The following LRP12 variants were observed in gnomAD, a reference collection of about 807,000 sequenced individuals.
LRP12 encodes low-density lipoprotein receptor-related protein 12.
In LRP12, 14 loss-of-function variants were observed where a neutral mutation model predicts 66.0. The observed-to-expected ratio is 0.21, with a 90% confidence interval of 0.14 to 0.33. The LOEUF (loss-of-function observed/expected upper bound fraction) is 0.33. LRP12 is among the 10% of genes least tolerant of loss of function. The probability of loss-of-function intolerance (pLI) is 1.00; values close to 1 mark genes in which losing one functional copy is unlikely to be tolerated. For synonymous variants in LRP12, 357 were observed against 359.1 expected, an observed-to-expected ratio of 0.99 and a Z score of 0.07; for missense variants, 889 against 1,053.4, an observed-to-expected ratio of 0.84 and a Z score of 2.16.
rs543480101 is a variant in LRP12, at chr8:104,543,391, G to A, written c.80-11428C>T. Reference sequence around the variant, plus strand: ...TGTGATCTGAGATCTTTGATGTTACGACTGTAATTGCTTTGAGGTGCCATA... The same window carrying A: ...TGTGATCTGAGATCTTTGATGTTACAACTGTAATTGCTTTGAGGTGCCATA... On this transcript the variant is annotated intron_variant, in intron 1 of 6. Coordinates refer to ENST00000276654, the MANE Select transcript of LRP12 (RefSeq NM_013437.5). 3.3e-5 allele frequency among the ~76,000 whole-genome samples: 5 copies of A among 152,036 alleles called. No individual in the cohort carries two copies. In the South Asian group the frequency reaches 6.2e-4, roughly 19 times the overall value.
At chr8:104,563,420 G>A (rs1182829319) in intron 1 of LRP12, among the ~76,000 whole-genome samples, 1 of 151,598 alleles carries the variant, frequency 6.6e-6, no homozygotes, top group Non-Finnish European at 1.5e-5. Context: ...TCCAAACTTA[G>A]GTCTGTCTTA....
At chr8:104,511,771 C>CATTTTTGGCAG (rs1811001237) in intron 2 of LRP12, among the ~76,000 whole-genome samples, 1 of 152,136 alleles carries the variant, frequency 6.6e-6, no homozygotes, top group African/African-American at 2.4e-5. Context: ...TGGGTCTGCC[C>CATTTTTGGCAG]TGGAATTAGG....
At chr8:104,565,264 C>T (rs542123207) in intron 1 of LRP12, among the ~76,000 whole-genome samples, 1 of 152,214 alleles carries the variant, frequency 6.6e-6, no homozygotes, top group Admixed American at 6.5e-5. Context: ...TCGATATGCT[C>T]AGATAAAATG....
intron 1 of LRP12, among the ~76,000 whole-genome samples, chr8:104,586,807 T>G (rs1812340144): frequency 6.6e-6 from 1 of 152,148 alleles, no homozygotes; most frequent in South Asian, 2.1e-4. Flanking sequence ...GCTGATATAG[T>G]TTAATGTTCT....
intron 2 of LRP12, among the ~76,000 whole-genome samples, chr8:104,513,605 G>T (rs1394738715): frequency 2.0e-5 from 3 of 152,102 alleles, no homozygotes; most frequent in Non-Finnish European, 4.4e-5. Context: ...CAAGGTACTT[G>T]ATCTTTCTGG....
At chr8:104,546,473 A>G (rs566958680) in intron 1 of LRP12, among the ~76,000 whole-genome samples, 58 of 152,270 alleles carry the variant, frequency 3.8e-4, no homozygotes, top group African/African-American at 1.3e-3. Flanking sequence ...TACACATTGT[A>G]CGAATTCATG....
At chr8:104,588,714 G>C in intron 1 of LRP12, 105 bp downstream of exon 1, 1 of 882,742 alleles carries the variant, frequency 1.1e-6, no homozygotes, top group Non-Finnish European at 1.7e-6. Context: ...CCGGTAGCCA[G>C]GGTCTCCGCG....
chr8:104,494,789 C>T (rs779011035), intron 6 of LRP12, among the ~76,000 whole-genome samples: 1 of 151,938 alleles, frequency 6.6e-6, no homozygotes, highest in African/African-American at 2.4e-5. Context: ...ATGTTCAGGT[C>T]AAGTAAAAAA....
chr8:104,583,256 A>G (rs889382010), intron 1 of LRP12, among the ~76,000 whole-genome samples: 23 of 152,110 alleles, frequency 1.5e-4, no homozygotes, highest in Non-Finnish European at 2.9e-4. Context: ...TGGATTCTAA[A>G]TCCTAGAGTT....
intron 1 of LRP12, among the ~76,000 whole-genome samples, chr8:104,576,648 C>T (rs1812170167): frequency 6.6e-6 from 1 of 152,156 alleles, no homozygotes. Flanking sequence ...CCAGCCACTA[C>T]AAAAGCACAC....
At chr8:104,514,579 G>T (rs570098118) in intron 2 of LRP12, among the ~76,000 whole-genome samples, 1 of 150,970 alleles carries the variant, frequency 6.6e-6, no homozygotes, top group Admixed American at 6.6e-5. Context: ...GCCAGGCGTG[G>T]TGGTGCGCAC....
At chr8:104,578,185 G>A (rs961956988) in intron 1 of LRP12, among the ~76,000 whole-genome samples, 1 of 151,300 alleles carries the variant, frequency 6.6e-6, no homozygotes, top group Non-Finnish European at 1.5e-5. Flanking sequence ...AAATTCAAAT[G>A]AGCACAATCA....
chr8:104,533,755 ATCC>A (rs1811359187), intron 1 of LRP12, among the ~76,000 whole-genome samples: 1 of 152,030 alleles, frequency 6.6e-6, no homozygotes, highest in African/African-American at 2.4e-5. Flanking sequence ...GGCTCAAGCA[ATCC>A]TCCTACCTTA....
intron 2 of LRP12, among the ~76,000 whole-genome samples, chr8:104,526,500 C>T (rs1277566207): frequency 6.7e-6 from 1 of 150,326 alleles, no homozygotes; most frequent in African/African-American, 2.5e-5. Flanking sequence ...ATCAATGGAA[C>T]AGAACAGAGC....
At chr8:104,586,305 T>C (rs1003063089) in intron 1 of LRP12, among the ~76,000 whole-genome samples, 4 of 152,120 alleles carry the variant, frequency 2.6e-5, no homozygotes, top group Non-Finnish European at 5.9e-5. Context: ...CAACAAAAAA[T>C]TTTTTTATGT....
chr8:104,521,213 T>C (rs551792914), intron 2 of LRP12, among the ~76,000 whole-genome samples: 64 of 152,082 alleles, frequency 4.2e-4, no homozygotes, highest in Admixed American at 7.9e-4. Context: ...AAGTGTGAAA[T>C]GCTCCAATGA....
chr8:104,558,636 A>G (rs1275252216), intron 1 of LRP12, among the ~76,000 whole-genome samples: 3 of 152,152 alleles, frequency 2.0e-5, no homozygotes, highest in Non-Finnish European at 4.4e-5. Flanking sequence ...AGCTTCTGCA[A>G]AGCAAAAGAA....
intron 1 of LRP12, among the ~76,000 whole-genome samples, chr8:104,568,049 G>C (rs1180593759): frequency 6.6e-6 from 1 of 152,122 alleles, no homozygotes; most frequent in Non-Finnish European, 1.5e-5. Flanking sequence ...CACTAATGAA[G>C]ACAGTGTGGT....
chr8:104,491,158 T>A lies in LRP12; in HGVS notation c.2095A>T (p.Ser699Cys), dbSNP rs962503916. ...VGACASSSTQ[S>C]TRGGHADNGR... ...TTATCTGCATGACCACCTCGGGTAC[T>A]CTGAGTTGAGGAACTTGCACATGCT... Residue 699 changes from serine to cysteine, a missense_variant, in exon 7 of 7, where the codon AGT becomes TGT. Physicochemically the swap from Ser to Cys is moderately radical, Grantham distance 112. Around this residue, in one of 3 missense-constraint regions of LRP12, gnomAD observed 800 missense variants for 964.5 expected, o/e 0.83. Transcript: ENST00000276654. 24 of 1,614,056 alleles carry A rather than the reference T, an allele frequency of 1.5e-5. No homozygotes were observed. The highest frequency in any genetic ancestry group is 2.0e-5 in the Non-Finnish European group (24 of 1,180,034).
Sources: gnomAD v4.1 joint callset for allele counts (sites outside exome capture counted in the v4.1 genomes callset) on GRCh38, gnomAD v4.1.1 for gene constraint, gnomAD v4.1.1 regional missense constraint, MANE v1.5 for transcripts, NCBI Gene and HGNC (gene_info 2026-07-23, HGNC 2026-07-21) for gene names.